The following UNC13C variants were observed in gnomAD, a reference collection of about 807,000 sequenced individuals.
The protein encoded by UNC13C is unc-13 homolog C.
UNC13C carries 174 observed loss-of-function variants against 245.4 expected under a neutral mutation model. The ratio of observed to expected loss-of-function variants is 0.71; its 90% CI spans 0.63 to 0.80. The LOEUF is 0.80. UNC13C is among the 30% of genes least tolerant of loss of function. UNC13C has a pLI of 0.00. For synonymous variants in UNC13C, 992 were observed against 895.1 expected (o/e 1.11, Z -1.93); for missense variants, 2,829 against 2,602.9 (o/e 1.09, Z -1.89).
chr15:54,290,374 A>C (rs575384880), intron 10 of UNC13C, among the ~76,000 whole-genome samples: 1 of 152,210 alleles, frequency 6.6e-6, no homozygotes, highest in Non-Finnish European at 1.5e-5. Flanking sequence ...CTGTAAATCT[A>C]AAATTATTCT....
chr15:54,088,097 T>C (rs2141130529), intron 2 of UNC13C, among the ~76,000 whole-genome samples: 1 of 151,984 alleles, frequency 6.6e-6, no homozygotes, highest in South Asian at 2.1e-4. Context: ...TGCCTTAAAA[T>C]TCCTATTAAA....
the UNC13C span, among the ~76,000 whole-genome samples, chr15:53,901,506 G>C: frequency 1.3e-5 from 2 of 152,002 alleles, no homozygotes; most frequent in Admixed American, 6.6e-5. Flanking sequence ...GATTACAGGC[G>C]TGAGCCACCA....
At chr15:54,561,824 T>C (rs1193284404) in intron 29 of UNC13C, among the ~76,000 whole-genome samples, 1 of 151,986 alleles carries the variant, frequency 6.6e-6, no homozygotes, top group Admixed American at 6.6e-5. Flanking sequence ...TCCAGTTATT[T>C]AGTTCATAAG....
chr15:54,421,896 C>T (rs992222273), intron 19 of UNC13C, among the ~76,000 whole-genome samples: 28 of 151,986 alleles, frequency 1.8e-4, no homozygotes, highest in African/African-American at 6.8e-4. Context: ...ATTATGCTAG[C>T]AAGGCTCAAT....
At chr15:54,240,537 G>C (rs1380558217) in intron 7 of UNC13C, among the ~76,000 whole-genome samples, 2 of 152,122 alleles carry the variant, frequency 1.3e-5, no homozygotes, top group African/African-American at 4.8e-5. Flanking sequence ...CTTTTCCAAG[G>C]ACAGAACAGA....
At chr15:54,170,111 T>G (rs1415811034) in intron 4 of UNC13C, among the ~76,000 whole-genome samples, 1 of 152,000 alleles carries the variant, frequency 6.6e-6, no homozygotes, top group Non-Finnish European at 1.5e-5. Flanking sequence ...AATGGGTTCC[T>G]GTTTCTTGCA....
At chr15:54,105,670 G>A (rs142616551) in intron 2 of UNC13C, among the ~76,000 whole-genome samples, 21 of 152,138 alleles carry the variant, frequency 1.4e-4, no homozygotes, top group African/African-American at 4.8e-4. Context: ...TGAAAATATA[G>A]AGACAGAAAA....
chr15:54,027,843 T>C (rs932660064), intron 2 of UNC13C, among the ~76,000 whole-genome samples: 7 of 151,876 alleles, frequency 4.6e-5, no homozygotes, highest in Non-Finnish European at 1.0e-4. Flanking sequence ...TGGTGTCTCC[T>C]TACTAGTAGG....
At chr15:54,257,534 A>G (rs1234655684) in intron 8 of UNC13C, among the ~76,000 whole-genome samples, 1 of 152,200 alleles carries the variant, frequency 6.6e-6, no homozygotes, top group African/African-American at 2.4e-5. Flanking sequence ...AGTTTTTTGT[A>G]GGCTCTTGGT....
chr15:53,995,162 T>C (rs1202557052), intron 1 of UNC13C, among the ~76,000 whole-genome samples: 1 of 151,968 alleles, frequency 6.6e-6, no homozygotes, highest in Non-Finnish European at 1.5e-5. Flanking sequence ...ACCCAACTGG[T>C]CAACAAACAA....
intron 19 of UNC13C, among the ~76,000 whole-genome samples, chr15:54,458,817 C>G (rs574407182): frequency 6.7e-6 from 1 of 150,166 alleles, no homozygotes; most frequent in Admixed American, 6.7e-5. Context: ...CTCTTAAAGA[C>G]AGCAGATACT....
chr15:54,046,800 G>T (rs1392853474), intron 2 of UNC13C, among the ~76,000 whole-genome samples: 2 of 151,398 alleles, frequency 1.3e-5, no homozygotes, highest in African/African-American at 4.9e-5. Flanking sequence ...TTCATAAACT[G>T]AGTACAAGTA....
At chr15:54,386,900 G>C (rs1271794030) in intron 17 of UNC13C, among the ~76,000 whole-genome samples, 1 of 152,148 alleles carries the variant, frequency 6.6e-6, no homozygotes, top group African/African-American at 2.4e-5. Flanking sequence ...AGGTTATCTT[G>C]AGCTAGGGGA....
intron 19 of UNC13C, among the ~76,000 whole-genome samples, chr15:54,464,271 T>C (rs1892047646): frequency 6.6e-6 from 1 of 152,180 alleles, no homozygotes; most frequent in Non-Finnish European, 1.5e-5. Flanking sequence ...TATTACATTT[T>C]CCATTCATGA....
At chr15:54,531,891 G>T (rs2141149688) in intron 25 of UNC13C, among the ~76,000 whole-genome samples, 1 of 152,100 alleles carries the variant, frequency 6.6e-6, no homozygotes, top group Non-Finnish European at 1.5e-5. Flanking sequence ...CTATGGATTT[G>T]CTTATTCTGG....
At chr15:54,047,436 T>G (rs913299672) in intron 2 of UNC13C, among the ~76,000 whole-genome samples, 2 of 152,032 alleles carry the variant, frequency 1.3e-5, no homozygotes, top group Non-Finnish European at 2.9e-5. Context: ...CCCACCTGTC[T>G]CTGGTAAACA....
At chr15:54,407,777 A>G (rs1048271401) in intron 18 of UNC13C, among the ~76,000 whole-genome samples, 1 of 152,308 alleles carries the variant, frequency 6.6e-6, no homozygotes, top group East Asian at 1.9e-4. Flanking sequence ...GGACTACTAC[A>G]TAAAATATGA....
intron 3 of UNC13C, 21 bp downstream of exon 3, chr15:54,143,061 T>C: frequency 6.2e-7 from 1 of 1,604,136 alleles, no homozygotes. Context: ...ATACTTATTC[T>C]TCCCTCCTGA....
intron 2 of UNC13C, among the ~76,000 whole-genome samples, chr15:54,132,294 T>C (rs1323182738): frequency 6.6e-6 from 1 of 152,012 alleles, no homozygotes; most frequent in African/African-American, 2.4e-5. Flanking sequence ...ATGGTCTCGA[T>C]CTCCTGACCT....
Sources: gnomAD v4.1 joint callset for allele counts (sites outside exome capture counted in the v4.1 genomes callset) on GRCh38, gnomAD v4.1.1 for gene constraint, MANE v1.5 for transcripts, NCBI Gene and HGNC (gene_info 2026-07-23, HGNC 2026-07-21) for gene names.